MALRD1: variants seen among roughly 807,000 people sequenced by gnomAD.
MALRD1 encodes the protein MAM and LDL receptor class A domain containing 1.
Under a neutral mutation model 242.1 loss-of-function variants are expected in MALRD1, and 247 were observed. That is an observed-to-expected ratio of 1.02 (90% confidence interval 0.92 to 1.13). The LOEUF (loss-of-function observed/expected upper bound fraction) is 1.13, where lower values mean the gene tolerates loss of function less well. Ranked by LOEUF, MALRD1 falls within the 50% of genes most tolerant of loss-of-function variation. The pLI is 0.00. For synonymous variants in MALRD1, 995 were observed against 866.6 expected, an observed-to-expected ratio of 1.15 and a Z score of -2.60; for missense variants, 2,989 against 2,533.1, an observed-to-expected ratio of 1.18 and a Z score of -3.86.
intron 8 of MALRD1, among the ~76,000 whole-genome samples, chr10:19,130,628 T>C (rs986480206): frequency 4.6e-5 from 7 of 152,156 alleles, no homozygotes; most frequent in African/African-American, 1.4e-4. Context: ...TTTAAAAGTT[T>C]CAATACATGT....
chr10:19,712,417 T>G (rs1385602658), intron 38 of MALRD1, among the ~76,000 whole-genome samples: 1 of 152,220 alleles, frequency 6.6e-6, no homozygotes, highest in Non-Finnish European at 1.5e-5. Context: ...TCAGAACAGT[T>G]TAACTAAATG....
chr10:19,311,362 CA>C (rs1292183122), intron 21 of MALRD1, among the ~76,000 whole-genome samples: 1 of 151,378 alleles, frequency 6.6e-6, no homozygotes, highest in Non-Finnish European at 1.5e-5. Flanking sequence ...TTTAAAATTA[CA>C]TTTTCTCATA....
At chr10:19,297,346 T>A (rs141756741) in intron 21 of MALRD1, among the ~76,000 whole-genome samples, 1 of 151,872 alleles carries the variant, frequency 6.6e-6, no homozygotes, top group Non-Finnish European at 1.5e-5. Flanking sequence ...TTTAAAACAG[T>A]TAATTCTATA....
chr10:19,315,126 TTA>T (rs1417134717), intron 21 of MALRD1, among the ~76,000 whole-genome samples: 1 of 138,718 alleles, frequency 7.2e-6, no homozygotes, highest in African/African-American at 2.7e-5. Flanking sequence ...TAAATATAAT[TTA>T]TAGAAATATG....
At chr10:19,051,155 G>T (rs1834481842) in intron 1 of MALRD1, among the ~76,000 whole-genome samples, 1 of 152,060 alleles carries the variant, frequency 6.6e-6, no homozygotes, top group South Asian at 2.1e-4. Context: ...AATTTCTTTT[G>T]TATATCACAC....
At chr10:19,255,527 T>A (rs1410329263) in intron 18 of MALRD1, among the ~76,000 whole-genome samples, 2 of 152,050 alleles carry the variant, frequency 1.3e-5, no homozygotes, top group Admixed American at 6.6e-5. Context: ...GTCATAACTT[T>A]GTTGCTGAAG....
chr10:19,327,106 G>T (rs1002524002), intron 22 of MALRD1, among the ~76,000 whole-genome samples: 1 of 151,954 alleles, frequency 6.6e-6, no homozygotes, highest in Admixed American at 6.6e-5. Flanking sequence ...CCATCTGTGC[G>T]CTTACAATGA....
At chr10:19,440,830 A>G (rs990241175) in intron 28 of MALRD1, among the ~76,000 whole-genome samples, 29 of 152,306 alleles carry the variant, frequency 1.9e-4, no homozygotes, top group African/African-American at 6.0e-4. Flanking sequence ...TTATAGCAGC[A>G]TGATTTATAA....
At chr10:19,225,117 C>T (rs530859766) in intron 18 of MALRD1, among the ~76,000 whole-genome samples, 43 of 152,168 alleles carry the variant, frequency 2.8e-4, no homozygotes, top group African/African-American at 7.9e-4. Flanking sequence ...TGTTTGTTTT[C>T]ATCAGGTGTG....
At chr10:19,559,296 C>T (rs991018244) in intron 32 of MALRD1, among the ~76,000 whole-genome samples, 2 of 151,880 alleles carry the variant, frequency 1.3e-5, no homozygotes, top group Admixed American at 6.6e-5. Flanking sequence ...TGGGTCTTCT[C>T]TCTTTTTTTC....
chr10:19,389,590 C>T lies in MALRD1; in HGVS notation c.4826C>T (p.Ser1609Phe). ...TTCGTATCTGCAAAGGCCACAGGAT[C>T]CATTCAGATTCTCATCAAGGTAGGA... Reference protein sequence around the residue: ...WYFVSAKATGSIQILIKTEKG... With the variant: ...WYFVSAKATGFIQILIKTEKG... Residue 1609 changes from serine (S) to phenylalanine (F), a missense_variant, in exon 28 of 40, where the codon TCC becomes TTC. Ser to Phe is a radical substitution (Grantham distance 155). Transcript: ENST00000454679. 1 of 1,550,234 alleles carries T rather than the reference C, an allele frequency of 6.5e-7. No homozygotes were observed. Among genetic ancestry groups the T allele is most frequent in the South Asian group, 1.2e-5 (1 of 84,006 alleles).
At chr10:19,634,847 G>A (rs1032506791) in intron 36 of MALRD1, among the ~76,000 whole-genome samples, 5 of 152,094 alleles carry the variant, frequency 3.3e-5, no homozygotes, top group African/African-American at 1.2e-4. Context: ...AAGCTAAATT[G>A]GCTGGACATC....
chr10:19,062,437 C>T (rs1299231585), intron 1 of MALRD1, among the ~76,000 whole-genome samples: 1 of 152,144 alleles, frequency 6.6e-6, no homozygotes, highest in East Asian at 1.9e-4. Flanking sequence ...ATATATACCC[C>T]AAGGAAACCA....
At position 19,470,481 on chromosome 10, in the gene MALRD1, T is replaced by C. The variant is rs376748628; in HGVS notation, c.5029+19991T>C. On this transcript the variant is annotated intron_variant, in intron 29 of 39. Coordinates refer to ENST00000454679, the MANE Select transcript of MALRD1 (RefSeq NM_001142308.3). ...CAGAAGTAGAATTGTCAGTTTATTA[T>C]GATAGTTTTATTTTTAATTTTTTAA... is the stretch of plus-strand genomic sequence containing the variant. Among the ~76,000 whole-genome samples, 90 of 152,176 alleles carry C rather than the reference T, an allele frequency of 5.9e-4. 1 individual carries two copies. In the South Asian group the frequency reaches 0.019, roughly 32 times the overall value.
chr10:19,249,868 G>A (rs1036109290), intron 18 of MALRD1, among the ~76,000 whole-genome samples: 4 of 151,022 alleles, frequency 2.6e-5, no homozygotes, highest in East Asian at 1.9e-4. Flanking sequence ...AGTTTAAATC[G>A]ATCATTTTTT....
rs192105067 is a variant in MALRD1, at chr10:19,538,494, T to G, written c.5478+7143T>G. 2.2e-3 allele frequency among the ~76,000 whole-genome samples: 332 copies of G among 152,290 alleles called. 1 individual carries two copies. The highest frequency in any genetic ancestry group is 7.4e-3 in the African/African-American group (308 of 41,566). On this transcript the variant is annotated intron_variant, in intron 32 of 39. Transcript: ENST00000454679. ...CTCTTTAAAATGATGGTGGTCACTT[T>G]TTGATCCATACTGCCAAAAGAGCCC...
At chr10:19,416,278 A>C (rs918421476) in intron 28 of MALRD1, among the ~76,000 whole-genome samples, 1 of 152,202 alleles carries the variant, frequency 6.6e-6, no homozygotes, top group African/African-American at 2.4e-5. Context: ...AGTTGAGAGA[A>C]TCAGAGAAGC....
chr10:19,410,939 A>T (rs1833255143), intron 28 of MALRD1, among the ~76,000 whole-genome samples: 2 of 152,154 alleles, frequency 1.3e-5, no homozygotes, highest in Non-Finnish European at 2.9e-5. Flanking sequence ...CTATATGACC[A>T]TGTGGATTTT....
intron 33 of MALRD1, among the ~76,000 whole-genome samples, chr10:19,585,437 T>C (rs375169647): frequency 3.3e-5 from 5 of 151,708 alleles, no homozygotes; most frequent in Admixed American, 6.6e-5. Context: ...ACAAAATCTC[T>C]CAACATTTGC....
Sources: allele counts gnomAD v4.1 joint callset (sites outside exome capture counted in the v4.1 genomes callset), GRCh38; gene constraint gnomAD v4.1.1; transcripts MANE v1.5; gene names NCBI Gene and HGNC (gene_info 2026-07-23, HGNC 2026-07-21).